Variants in DNM3 observed in about 807,000 individuals in gnomAD.
The protein encoded by DNM3 is dynamin 3.
DNM3 carries 47 observed loss-of-function variants against 101.6 expected under a neutral mutation model. The ratio of observed to expected loss-of-function variants is 0.46; its 90% confidence interval spans 0.37 to 0.59. DNM3 has a LOEUF of 0.59. Among genes scored for constraint, DNM3 ranks in the 20% least tolerant of loss-of-function variants. DNM3 has a pLI of 0.00. For missense variants in DNM3, 849 were observed against 1,085.7 expected, an observed-to-expected ratio of 0.78 and a Z score of 3.06; for synonymous variants, 385 against 387.9, an observed-to-expected ratio of 0.99 and a Z score of 0.09.
At chr1:172,386,102 G>C (rs947562372) in intron 18 of DNM3, among the ~76,000 whole-genome samples, 1 of 152,160 alleles carries the variant, frequency 6.6e-6, no homozygotes, top group Non-Finnish European at 1.5e-5. Flanking sequence ...TTCAGTGTGT[G>C]ATAAGAATTG....
intron 16 of DNM3, 160 bp downstream of exon 16, chr1:172,308,999 A>G (rs2148874855): frequency 2.3e-6 from 1 of 427,758 alleles, no homozygotes; most frequent in East Asian, 3.5e-5. Context: ...ATATTTTTTA[A>G]CAATGCTTTT....
intron 1 of DNM3, among the ~76,000 whole-genome samples, chr1:171,884,370 A>T (rs1219952197): frequency 6.6e-6 from 1 of 152,240 alleles, no homozygotes; most frequent in African/African-American, 2.4e-5. Flanking sequence ...TGGACCCATT[A>T]GGATTAATCA....
chr1:172,003,810 T>C (rs1280484928), intron 4 of DNM3, among the ~76,000 whole-genome samples: 1 of 151,212 alleles, frequency 6.6e-6, no homozygotes, highest in Non-Finnish European at 1.5e-5. Context: ...GGGGGTGAGG[T>C]AAGGATGATA....
At chr1:172,053,183 A>G (rs1309691037) in intron 10 of DNM3, among the ~76,000 whole-genome samples, 3 of 152,014 alleles carry the variant, frequency 2.0e-5, no homozygotes, top group Admixed American at 1.3e-4. Context: ...TTCTCCAGCT[A>G]TATCTTTGGT....
intron 6 of DNM3, among the ~76,000 whole-genome samples, chr1:172,035,047 G>A (rs2048858944): frequency 6.6e-6 from 1 of 152,090 alleles, no homozygotes; most frequent in Non-Finnish European, 1.5e-5. Flanking sequence ...GAAATTATGG[G>A]AATTTGGTTG....
rs181025218 is a variant in DNM3, at chr1:172,295,292, T to A, written c.1770-13436T>A. ...CAAGTAAGAATTTACAACGGGGAAG[T>A]CCAGGTAGAAGATGCCTGATGGTAA... On this transcript the variant is annotated intron_variant, in intron 15 of 20. Coordinates refer to ENST00000627582, the MANE Select transcript of DNM3 (RefSeq NM_015569.5). Among the ~76,000 whole-genome samples, 418 of 152,236 alleles carry A rather than the reference T, an allele frequency of 2.7e-3. 1 individual carries two copies. Among genetic ancestry groups the A allele is most frequent in the African/African-American group, 9.4e-3 (392 of 41,534 alleles).
chr1:172,316,460 C>G (rs912716486), intron 16 of DNM3, among the ~76,000 whole-genome samples: 5 of 151,996 alleles, frequency 3.3e-5, no homozygotes, highest in Non-Finnish European at 7.4e-5. Context: ...GATAAAGAAT[C>G]AAGACCCATC....
chr1:172,028,422 T>C (rs571310704), intron 4 of DNM3, among the ~76,000 whole-genome samples: 1 of 152,092 alleles, frequency 6.6e-6, no homozygotes, highest in Non-Finnish European at 1.5e-5. Context: ...AAAGCAGTGT[T>C]TATAGAGGAA....
chr1:172,125,943 T>C (rs1024049298), intron 13 of DNM3, among the ~76,000 whole-genome samples: 1 of 152,188 alleles, frequency 6.6e-6, no homozygotes, highest in African/African-American at 2.4e-5. Context: ...AGTCTTTGAC[T>C]TCTGTTCCCA....
chr1:172,135,638 T>C (rs1357856991), intron 14 of DNM3, among the ~76,000 whole-genome samples: 1 of 152,142 alleles, frequency 6.6e-6, no homozygotes, highest in Non-Finnish European at 1.5e-5. Context: ...TGTACATTTT[T>C]GGAAAGGGAT....
intron 2 of DNM3, among the ~76,000 whole-genome samples, chr1:171,966,929 G>C (rs181147348): frequency 4.6e-5 from 7 of 152,140 alleles, no homozygotes; most frequent in African/African-American, 1.7e-4. Context: ...TCATTGAGTC[G>C]TAGTTTTCTG....
chr1:171,869,172 T>A (rs2035044615), intron 1 of DNM3, among the ~76,000 whole-genome samples: 1 of 152,232 alleles, frequency 6.6e-6, no homozygotes. Flanking sequence ...GTGGTTGGTT[T>A]TTTTTTGGAG....
intron 4 of DNM3, among the ~76,000 whole-genome samples, chr1:172,007,766 A>C (rs1210967535): frequency 6.6e-6 from 1 of 151,926 alleles, no homozygotes; most frequent in Non-Finnish European, 1.5e-5. Flanking sequence ...GGTTTTAAAA[A>C]AGTTTAATTT....
chr1:172,363,374 C>T (rs2067846873), intron 17 of DNM3, among the ~76,000 whole-genome samples: 1 of 151,912 alleles, frequency 6.6e-6, no homozygotes, highest in Non-Finnish European at 1.5e-5. Flanking sequence ...TTCTCTGCCT[C>T]AGTTTATTTG....
Position 172,379,006 on chromosome 1 carries a change from C to A in DNM3, c.1894-12C>A, listed in dbSNP as rs368297249. ...TATGAGATAATCCATGGTTTGTTTT[C>A]TCTTCTTTTAGGCTGAAAATGATGA... On this transcript the variant is annotated splice_polypyrimidine_tract_variant and intron_variant, in intron 17 of 20. Coordinates refer to ENST00000627582, the MANE Select transcript of DNM3 (RefSeq NM_015569.5). 1 of 1,604,478 alleles carries A rather than the reference C, an allele frequency of 6.2e-7. No homozygotes were observed. The highest frequency in any genetic ancestry group is 8.5e-7 in the Non-Finnish European group (1 of 1,175,928).
intron 15 of DNM3, among the ~76,000 whole-genome samples, chr1:172,305,318 C>A (rs1260098767): frequency 6.6e-6 from 1 of 152,192 alleles, no homozygotes; most frequent in Admixed American, 6.5e-5. Context: ...ATACACCATC[C>A]TAAGACTAAA....
Position 172,048,777 on chromosome 1 carries a change from G to A in DNM3, c.1335+27G>A, listed in dbSNP as rs200726841. 9.2e-4 allele frequency: 1,478 copies of A among 1,605,506 alleles called. 4 individuals are homozygous for A. Among genetic ancestry groups the A allele is most frequent in the Non-Finnish European group, 1.2e-3 (1,394 of 1,175,758 alleles). On this transcript the variant is annotated intron_variant, in intron 10 of 20. Coordinates refer to ENST00000627582, the MANE Select transcript of DNM3 (RefSeq NM_015569.5). Reference sequence around the variant, plus strand: ...TAAGTTCGAATTATTTAACTTTCCAGTACGTGGCTTTGGTTTATCAACATT... The same window carrying A: ...TAAGTTCGAATTATTTAACTTTCCAATACGTGGCTTTGGTTTATCAACATT...
intron 4 of DNM3, among the ~76,000 whole-genome samples, chr1:171,998,859 G>A (rs541030213): frequency 6.6e-6 from 1 of 152,174 alleles, no homozygotes; most frequent in African/African-American, 2.4e-5. Flanking sequence ...GGGACAGTAA[G>A]CACAAAGGAA....
At chr1:172,048,302 G>A (rs1298344426) in intron 9 of DNM3, among the ~76,000 whole-genome samples, 4 of 152,234 alleles carry the variant, frequency 2.6e-5, no homozygotes, top group Non-Finnish European at 4.4e-5. Flanking sequence ...AAGCTCACTC[G>A]CTGCTCCACA....
Sources: gnomAD v4.1 joint callset for allele counts (sites outside exome capture counted in the v4.1 genomes callset) on GRCh38, gnomAD v4.1.1 for gene constraint, MANE v1.5 for transcripts, NCBI Gene and HGNC (gene_info 2026-07-23, HGNC 2026-07-21) for gene names.